The following NEK4 variants were observed in gnomAD, a reference collection of about 807,000 sequenced individuals.
The protein encoded by NEK4 is serine/threonine-protein kinase Nek4.
A neutral mutation model predicts 98.4 loss-of-function variants in NEK4; 86 were observed. The observed-to-expected ratio is 0.87, with a 90% CI of 0.73 to 1.05. The LOEUF (loss-of-function observed/expected upper bound fraction) is 1.05. Among genes scored for constraint, NEK4 ranks in the 50% least tolerant of loss-of-function variants. NEK4 has a pLI of 0.00. For synonymous variants in NEK4, 328 were observed against 342.2 expected (o/e 0.96, Z 0.46); for missense variants, 898 against 950.3 (o/e 0.94, Z 0.72).
chr3:52,761,955 G>A (rs949936796), intron 5 of NEK4, among the ~76,000 whole-genome samples: 1 of 152,210 alleles, frequency 6.6e-6, no homozygotes, highest in Non-Finnish European at 1.5e-5. Context: ...TAAACCTCTG[G>A]AGAATTCAAG....
rs2097349891 is a variant in NEK4, at chr3:52,711,055, G to A, written c.*722C>T. 1 of 152,530 alleles carries A rather than the reference G, an allele frequency of 6.6e-6. No individual in the cohort carries two copies. 9.4% of individuals were successfully genotyped at this position (152,530 alleles called of 1,614,324 possible). A position where few individuals can be genotyped will look rare whatever the true frequency, so the allele number is the denominator to read the frequency against. On this transcript the variant is annotated 3_prime_UTR_variant, in exon 16 of 16. Transcript: ENST00000233027. ...GACTTTGCTTACAAATTGCTTAAAT[G>A]GAAATGAAATTTGTGTTTAAGAAAT...
chr3:52,731,712 A>G (rs556883331), intron 15 of NEK4, among the ~76,000 whole-genome samples: 1 of 152,288 alleles, frequency 6.6e-6, no homozygotes, highest in African/African-American at 2.4e-5. Flanking sequence ...CACACACAGG[A>G]GTCTTGCCAT....
At chr3:52,743,543 C>T in intron 11 of NEK4, 82 bp from the exon 12 acceptor site, 3 of 1,048,610 alleles carry the variant, frequency 2.9e-6, no homozygotes, top group Middle Eastern at 2.8e-4. Context: ...ATGGAACATA[C>T]CCCAGCAGGA....
At chr3:52,744,397 A>T (rs964557425) in intron 10 of NEK4, 92 bp from the exon 11 acceptor site, 26 of 1,028,208 alleles carry the variant, frequency 2.5e-5, no homozygotes, top group Non-Finnish European at 4.0e-5. Flanking sequence ...ATTAAGAAAA[A>T]GGTCTGAGCT....
At chr3:52,734,396 G>T (rs2097372965) in intron 15 of NEK4, among the ~76,000 whole-genome samples, 1 of 145,986 alleles carries the variant, frequency 6.8e-6, no homozygotes, top group Non-Finnish European at 1.5e-5. Context: ...GTTGCGGTGA[G>T]CCAATATCAT....
chr3:52,743,576 C>A (rs1457680165), intron 11 of NEK4, 115 bp from the exon 12 acceptor site: 5 of 716,688 alleles, frequency 7.0e-6, no homozygotes, highest in Admixed American at 2.3e-5. Context: ...GTAAGTCAAA[C>A]AGCATATTTA....
intron 6 of NEK4, among the ~76,000 whole-genome samples, chr3:52,755,051 G>A (rs2097412509): frequency 6.8e-6 from 1 of 146,918 alleles, no homozygotes; most frequent in African/African-American, 2.5e-5. Flanking sequence ...TCCAGCCTGG[G>A]CGACAGAGCA....
rs1340521223 is a variant in NEK4 at position 52,763,485 on chromosome 3, A to G, written c.806T>C (p.Leu269Ser). ...PYIKRQISFF[L>S]EATKIKTSKN... ...AGTATCTTACATCTTTGTGGCCTCC[A>G]AAAAGAAGGAGATTTGCCGCTTTAT... is the stretch of plus-strand genomic sequence containing the variant. Residue 269 changes from leucine to serine, a missense_variant, in exon 5 of 16, where the codon TTG becomes TCG. Physicochemically the swap from Leu to Ser is moderately radical, Grantham distance 145. Coordinates refer to ENST00000233027, the MANE Select transcript of NEK4 (RefSeq NM_003157.6). 6.2e-7 allele frequency: 1 copy of G among 1,612,770 alleles called. No homozygotes were observed. Among genetic ancestry groups the G allele is most frequent in the Non-Finnish European group, 8.5e-7 (1 of 1,179,532 alleles).
chr3:52,717,403 T>C (rs1424714876), intron 15 of NEK4, among the ~76,000 whole-genome samples: 1 of 138,246 alleles, frequency 7.2e-6, no homozygotes, highest in African/African-American at 2.8e-5. Context: ...CAAGACTCCA[T>C]CTCAAAAAAA....
intron 15 of NEK4, among the ~76,000 whole-genome samples, chr3:52,726,191 ATAT>A (rs2097364392): frequency 6.6e-6 from 1 of 152,218 alleles, no homozygotes; most frequent in African/African-American, 2.4e-5. Flanking sequence ...ACAAATGAGG[ATAT>A]TGATGGTTTG....
chr3:52,768,535 G>C lies in NEK4; in HGVS notation c.163C>G (p.Gln55Glu). 7 of 1,614,198 alleles carry C rather than the reference G, an allele frequency of 4.3e-6. No homozygotes were observed. Among genetic ancestry groups the C allele is most frequent in the Non-Finnish European group, 5.9e-6 (7 of 1,180,024 alleles). The change falls in exon 2 of 16, where the codon CAG (glutamine) becomes GAG (glutamate). Residue 55 changes from glutamine (Q) to glutamate (E), a missense_variant. By Grantham distance (29) the Gln-to-Glu change is conservative. Coordinates refer to ENST00000233027, the MANE Select transcript of NEK4 (RefSeq NM_003157.6). The stretch of plus-strand genomic sequence containing the variant: ...GGATGCTTCAACTGAGACAAGAGCT[G>C]GGCTTCCTGTTCAGCAGCTCGCCGC... The part of the protein sequence containing the change: ...RERRAAEQEA[Q>E]LLSQLKHPNI...
chr3:52,761,934 TA>T (rs913072551), intron 5 of NEK4, among the ~76,000 whole-genome samples: 7 of 152,232 alleles, frequency 4.6e-5, no homozygotes, highest in Non-Finnish European at 8.8e-5. Flanking sequence ...ATGTCATTTC[TA>T]AAACTGGGCT....
chr3:52,768,676 G>A (rs1402613383), intron 1 of NEK4, 72 bp from the exon 2 acceptor site: 2 of 1,457,472 alleles, frequency 1.4e-6, no homozygotes, highest in African/African-American at 2.8e-5. Flanking sequence ...TTATCTAAGG[G>A]CTCTCAAGAA....
At chr3:52,764,224 T>C (rs1251828514) in intron 4 of NEK4, among the ~76,000 whole-genome samples, 3 of 149,536 alleles carry the variant, frequency 2.0e-5, no homozygotes, top group African/African-American at 7.4e-5. Flanking sequence ...GAGGTGGAGG[T>C]TGCGGTGAGC....
chr3:52,747,468 A>C (rs888120420), intron 8 of NEK4: 3 of 151,724 alleles, frequency 2.0e-5, no homozygotes, highest in Non-Finnish European at 4.4e-5. Context: ...AAAAAAAAAA[A>C]AGAAAAGAAA....
intron 6 of NEK4, among the ~76,000 whole-genome samples, chr3:52,753,113 G>A (rs2097408530): frequency 6.6e-6 from 1 of 151,578 alleles, no homozygotes; most frequent in African/African-American, 2.4e-5. Flanking sequence ...ACCAGCCTAG[G>A]CAACATGGCG....
At chr3:52,770,526 A>G in intron 1 of NEK4, 128 bp downstream of exon 1, 1 of 695,318 alleles carries the variant, frequency 1.4e-6, no homozygotes, top group Non-Finnish European at 2.5e-6. Context: ...TTGGTCTGGG[A>G]CCATTTCCCT....
At chr3:52,734,666 C>CA (rs59075830) in intron 15 of NEK4, 1,722 of 70,942 alleles carry the variant, frequency 0.024, 44 homozygotes, top group African/African-American at 0.045. Context: ...GACTCCGTCT[C>CA]AAAAAAAAAA....
Position 52,770,641 on chromosome 3 carries a change from C to T in NEK4, c.93+13G>A. The T allele has an allele frequency of 6.5e-7, 1 of 1,543,508 alleles. No homozygotes were observed. The highest frequency in any genetic ancestry group is 8.8e-7 in the Non-Finnish European group (1 of 1,142,640). On this transcript the variant is annotated intron_variant, in intron 1 of 15. Coordinates refer to ENST00000233027, the MANE Select transcript of NEK4 (RefSeq NM_003157.6). ...CCCGCCCCCGCCCCTTGCCGGGCCC[C>T]ACCCCTGCAGACCTGCTTGCCGTCC... is the stretch of plus-strand genomic sequence containing the variant.
Sources: gnomAD v4.1 joint callset for allele counts (sites outside exome capture counted in the v4.1 genomes callset) on GRCh38, gnomAD v4.1.1 for gene constraint, MANE v1.5 for transcripts, NCBI Gene and HGNC (gene_info 2026-07-23, HGNC 2026-07-21) for gene names.